OR10J1: variants seen among roughly 807,000 people sequenced by gnomAD.
OR10J1 encodes the protein olfactory receptor 10J1.
For synonymous variants in OR10J1, 202 were observed against 143.8 expected (o/e 1.40, Z -2.89); for missense variants, 474 against 376.6 (o/e 1.26, Z -2.14).
the OR10J1 span, among the ~76,000 whole-genome samples, chr1:159,429,113 T>A: frequency 6.6e-6 from 1 of 152,194 alleles, no homozygotes; most frequent in East Asian, 1.9e-4. Context: ...CTACAGAAAT[T>A]ACTTCAGTAA....
chr1:159,406,211 C>T, the OR10J1 span: 2 of 524,384 alleles, frequency 3.8e-6, no homozygotes, highest in South Asian at 1.4e-5. Context: ...AGGTGAATGT[C>T]CAGGCGAGTA....
the OR10J1 span, among the ~76,000 whole-genome samples, chr1:159,413,018 G>C: frequency 3.3e-5 from 5 of 152,114 alleles, no homozygotes; most frequent in Non-Finnish European, 7.4e-5. Context: ...CCATCAAAAA[G>C]TGGGCAAAGG....
chr1:159,430,668 T>TGTGTGCGCGC, the OR10J1 span, among the ~76,000 whole-genome samples: 131 of 69,712 alleles, frequency 1.9e-3, no homozygotes, highest in South Asian at 3.1e-3. Context: ...TGTGTGTGTG[T>TGTGTGCGCGC]GCGCGCGCGC....
the OR10J1 span, among the ~76,000 whole-genome samples, chr1:159,427,797 C>A: frequency 6.6e-6 from 1 of 151,928 alleles, no homozygotes; most frequent in African/African-American, 2.4e-5. Context: ...TAATTATCGG[C>A]CAATAATGGA....
the OR10J1 span, among the ~76,000 whole-genome samples, chr1:159,430,640 G>GGGGGGTGTGTGT: frequency 5.3e-3 from 753 of 140,902 alleles, 13 homozygotes; most frequent in African/African-American, 0.02. Context: ...AAAAAATTAT[G>GGGGGGTGTGTGT]GTGTGTGTGT....
At chr1:159,436,061 T>G (rs528967305), upstream of OR10J1, among the ~76,000 whole-genome samples, 145 of 152,322 alleles carry the variant, frequency 9.5e-4, 2 homozygotes, top group African/African-American at 2.2e-3. Flanking sequence ...GCTACTGAAG[T>G]GGTATACCTG....
Position 159,440,526 on chromosome 1 carries a change from T to G in OR10J1, c.735T>G (p.Thr245=), listed in dbSNP as rs1655911384. The G allele has an allele frequency of 6.2e-7, 1 of 1,614,096 alleles. No homozygotes were observed. The highest frequency in any genetic ancestry group is 8.5e-7 in the Non-Finnish European group (1 of 1,180,008). ...TTGCCACCTGTGCATCCCACCTCACTGTGGTCATTGTCCACTACAGCTGTG... is the reference window on the plus strand; with the variant it reads ...TTGCCACCTGTGCATCCCACCTCACGGTGGTCATTGTCCACTACAGCTGTG... ...KAFATCASHL[T]VVIVHYSCAS... Residue 245 remains threonine (T), a synonymous_variant, in exon 1 of 1, where the codon ACT becomes ACG. Transcript: ENST00000423932.
chr1:159,404,119 C>T, the OR10J1 span, among the ~76,000 whole-genome samples: 956 of 151,860 alleles, frequency 6.3e-3, 7 homozygotes, highest in African/African-American at 0.021. Context: ...GTATAGCTGG[C>T]GGCTTGAGGG....
At chr1:159,431,969 T>A in the OR10J1 span, among the ~76,000 whole-genome samples, 145 of 152,238 alleles carry the variant, frequency 9.5e-4, 2 homozygotes, top group African/African-American at 2.2e-3. Flanking sequence ...CTTTACACAT[T>A]TACTTCCTGT....
chr1:159,428,558 C>T, the OR10J1 span, among the ~76,000 whole-genome samples: 176 of 152,246 alleles, frequency 1.2e-3, no homozygotes, highest in Non-Finnish European at 1.9e-3. Flanking sequence ...TTCAAGGTCT[C>T]GATAAGACTT....
chr1:159,411,632 T>A, the OR10J1 span, among the ~76,000 whole-genome samples: 1 of 152,168 alleles, frequency 6.6e-6, no homozygotes, highest in Non-Finnish European at 1.5e-5. Context: ...AGCACACTGA[T>A]GAGTCTTGAC....
rs145304434 is a variant in OR10J1 at position 159,440,007 on chromosome 1, A to C, written c.216A>C (p.Val72=). 13 of 1,614,170 alleles carry C rather than the reference A, an allele frequency of 8.1e-6. No homozygotes were observed. The African/African-American group carries it at 1.6e-4, about 20-fold the overall frequency. The change falls in exon 1 of 1, where the codon GTA becomes GTC. Residue 72 remains valine (V), a synonymous_variant. Coordinates refer to ENST00000423932, the MANE Select transcript of OR10J1 (RefSeq NM_012351.3). ...FLSMLSTSET[V]YTLVILPRML... is the part of the protein sequence containing the mutation. ...GCATGCTGTCCACTTCAGAGACTGT[A>C]TATACATTGGTCATTCTCCCAAGAA...
chr1:159,402,916 T>C, the OR10J1 span, among the ~76,000 whole-genome samples: 2 of 151,884 alleles, frequency 1.3e-5, no homozygotes, highest in African/African-American at 4.8e-5. Context: ...AACAAACACA[T>C]AGACGAATTG....
At chr1:159,407,966 A>G in the OR10J1 span, among the ~76,000 whole-genome samples, 2 of 152,090 alleles carry the variant, frequency 1.3e-5, no homozygotes, top group Admixed American at 1.3e-4. Context: ...GCTATGATAG[A>G]GCTTAGTGTA....
At chr1:159,436,501 C>G (rs1339446621), upstream of OR10J1, among the ~76,000 whole-genome samples, 4 of 152,154 alleles carry the variant, frequency 2.6e-5, no homozygotes, top group Non-Finnish European at 4.4e-5. Flanking sequence ...GTTACATCAG[C>G]AGCCTAGCTG....
the OR10J1 span, among the ~76,000 whole-genome samples, chr1:159,421,742 G>A: frequency 6.6e-6 from 1 of 152,166 alleles, no homozygotes; most frequent in South Asian, 2.1e-4. Context: ...GTAGGAACTG[G>A]AATGCCAGGT....
At chr1:159,434,159 C>T (rs770215475), upstream of OR10J1, among the ~76,000 whole-genome samples, 3 of 151,956 alleles carry the variant, frequency 2.0e-5, no homozygotes, top group Non-Finnish European at 4.4e-5. Flanking sequence ...AAACTGAGAC[C>T]TCAAATAAGT....
chr1:159,420,396 T>C, the OR10J1 span, among the ~76,000 whole-genome samples: 1 of 152,268 alleles, frequency 6.6e-6, no homozygotes, highest in African/African-American at 2.4e-5. Context: ...ATATTCTTTG[T>C]TTCTTTCTTT....
At chr1:159,430,647 G>GTGTGTGTGTGTGTGTGTGTT in the OR10J1 span, among the ~76,000 whole-genome samples, 1 of 75,166 alleles carries the variant, frequency 1.3e-5, no homozygotes, top group Non-Finnish European at 3.9e-5. Context: ...TATGGTGTGT[G>GTGTGTGTGTGTGTGTGTGTT]TGTGTGTGTG....
Sources: gnomAD v4.1 joint callset for allele counts (sites outside exome capture counted in the v4.1 genomes callset) on GRCh38, gnomAD v4.1.1 for gene constraint, MANE v1.5 for transcripts, NCBI Gene and HGNC (gene_info 2026-07-23, HGNC 2026-07-21) for gene names.